SLC26A8: variants seen among roughly 807,000 people sequenced by gnomAD.
The protein encoded by SLC26A8 is testis anion transporter 1.
A neutral mutation model predicts 105.0 loss-of-function variants in SLC26A8; 70 were observed. The ratio of observed to expected loss-of-function variants is 0.67; its 90% CI spans 0.55 to 0.81. The LOEUF is 0.81. Among genes scored for constraint, SLC26A8 ranks in the 40% least tolerant of loss-of-function variants. The probability of loss-of-function intolerance (pLI) is 0.00; values close to 1 mark genes in which losing one functional copy is unlikely to be tolerated. For synonymous variants in SLC26A8, 415 were observed against 438.3 expected, an observed-to-expected ratio of 0.95 and a Z score of 0.66; for missense variants, 998 against 1,181.8, an observed-to-expected ratio of 0.84 and a Z score of 2.28.
chr6:35,985,556 G>A (rs1248519503), intron 7 of SLC26A8, among the ~76,000 whole-genome samples: 1 of 151,848 alleles, frequency 6.6e-6, no homozygotes, highest in Non-Finnish European at 1.5e-5. Context: ...AGCCAGGCAT[G>A]GTGGTGTGTA....
intron 7 of SLC26A8, chr6:35,990,293 G>T: frequency 3.5e-6 from 1 of 284,714 alleles, no homozygotes; most frequent in East Asian, 1.2e-4. Flanking sequence ...CCATTTTTGA[G>T]GCCATTTCTT....
chr6:35,965,805 AC>A (rs1379620816), intron 11 of SLC26A8, among the ~76,000 whole-genome samples: 1 of 151,866 alleles, frequency 6.6e-6, no homozygotes, highest in East Asian at 1.9e-4. Context: ...AGCCTGGCCC[AC>A]ATGGCGAAAC....
chr6:35,946,802 C>T (rs1421386349), intron 19 of SLC26A8, among the ~76,000 whole-genome samples: 1 of 152,026 alleles, frequency 6.6e-6, no homozygotes, highest in Non-Finnish European at 1.5e-5. Flanking sequence ...ATCCTCCTGC[C>T]TCAAGCTCCC....
chr6:36,019,723 A>G lies in SLC26A8; in HGVS notation c.-2-14T>C, dbSNP rs1366515042. The G allele has an allele frequency of 2.4e-5, 38 of 1,592,530 alleles. No homozygotes were observed. Among genetic ancestry groups the G allele is most frequent in the Non-Finnish European group, 3.1e-5 (36 of 1,168,668 alleles). On this transcript the variant is annotated splice_polypyrimidine_tract_variant and intron_variant, in intron 1 of 19. Coordinates refer to ENST00000490799, the MANE Select transcript of SLC26A8 (RefSeq NM_052961.4). ...GTTGTGCCATTCCTGGATGAGTGGA[A>G]AGAGAGCAAATAAAAGAGCATTTTC...
intron 19 of SLC26A8, 87 bp downstream of exon 19, chr6:35,951,076 G>T: frequency 7.7e-7 from 1 of 1,300,118 alleles, no homozygotes; most frequent in Non-Finnish European, 1.1e-6. Context: ...CAGGAATCCT[G>T]ACTCCCAGCC....
intron 3 of SLC26A8, among the ~76,000 whole-genome samples, chr6:36,010,920 TAAGTA>T (rs1238094647): frequency 8.5e-5 from 13 of 152,100 alleles, no homozygotes; most frequent in African/African-American, 2.4e-4. Context: ...TAGAAACAAA[TAAGTA>T]AATAAAGATT....
chr6:35,966,409 C>T (rs1772519427), intron 11 of SLC26A8, among the ~76,000 whole-genome samples: 1 of 151,944 alleles, frequency 6.6e-6, no homozygotes, highest in Admixed American at 6.6e-5. Flanking sequence ...GGAAACAAAT[C>T]TTTTCATAAA....
rs576632030 is a variant in SLC26A8 at position 35,955,689 on chromosome 6, C to G, written c.1864-169G>C. The stretch of plus-strand genomic sequence containing the variant: ...ACTTGGATATCTGTCACTTCAAGCT[C>G]ACAACTGAAGCCCCCACAGTCATCT... On this transcript the variant is annotated intron_variant, in intron 16 of 19. Coordinates refer to ENST00000490799, the MANE Select transcript of SLC26A8 (RefSeq NM_052961.4). Among the ~76,000 whole-genome samples, 18 of 152,260 alleles carry G rather than the reference C, an allele frequency of 1.2e-4. No homozygotes were observed. In the East Asian group the frequency reaches 3.5e-3, roughly 29 times the overall value.
At chr6:35,996,635 CTCCTGGGCTCAAGT>C (rs1193804947) in intron 5 of SLC26A8, among the ~76,000 whole-genome samples, 1 of 152,124 alleles carries the variant, frequency 6.6e-6, no homozygotes, top group African/African-American at 2.4e-5. Context: ...CAGCCTCAAC[CTCCTGGGCTCAAGT>C]GATCCTCCCA....
intron 5 of SLC26A8, among the ~76,000 whole-genome samples, chr6:35,994,701 G>A (rs112814047): frequency 0.079 from 12,008 of 151,274 alleles, 522 homozygotes; most frequent in Non-Finnish European, 0.096. Context: ...TCAGCCTCCC[G>A]AGTAGCTGGG....
At chr6:35,972,409 T>A (rs1445062899) in intron 10 of SLC26A8, among the ~76,000 whole-genome samples, 4 of 144,534 alleles carry the variant, frequency 2.8e-5, no homozygotes, top group African/African-American at 8.1e-5. Context: ...AAAAAAAAAA[T>A]CATAAGGCCT....
At chr6:35,957,047 A>G (rs961185306) in intron 16 of SLC26A8, among the ~76,000 whole-genome samples, 1 of 151,972 alleles carries the variant, frequency 6.6e-6, no homozygotes, top group Non-Finnish European at 1.5e-5. Flanking sequence ...ACATGGAGAA[A>G]CCACGTCTCT....
intron 3 of SLC26A8, among the ~76,000 whole-genome samples, chr6:36,008,054 A>G (rs1761742518): frequency 6.7e-6 from 1 of 149,300 alleles, no homozygotes. Flanking sequence ...CGGGAGGCGG[A>G]GCTTGCAGTG....
chr6:35,994,276 G>A (rs1381309416), intron 5 of SLC26A8, among the ~76,000 whole-genome samples: 6 of 151,482 alleles, frequency 4.0e-5, no homozygotes, highest in Non-Finnish European at 8.8e-5. Context: ...CACCAAGCCC[G>A]GCTAATTTTT....
At chr6:35,985,416 T>C (rs115530995) in intron 7 of SLC26A8, among the ~76,000 whole-genome samples, 2,194 of 152,060 alleles carry the variant, frequency 0.014, 49 homozygotes, top group African/African-American at 0.049. Flanking sequence ...AAGAGAGGGC[T>C]GGGCATGGTG....
At chr6:36,000,491 T>C (rs1370973763) in intron 3 of SLC26A8, among the ~76,000 whole-genome samples, 1 of 152,188 alleles carries the variant, frequency 6.6e-6, no homozygotes, top group Non-Finnish European at 1.5e-5. Flanking sequence ...GGGCTGAAGA[T>C]AAAACTGGAG....
At chr6:35,978,689 A>G (rs527735625) in intron 8 of SLC26A8, among the ~76,000 whole-genome samples, 180 of 152,242 alleles carry the variant, frequency 1.2e-3, no homozygotes, top group South Asian at 3.7e-3. Context: ...AAAGCAAATA[A>G]TACCTTATCT....
At position 35,955,468 on chromosome 6, in the gene SLC26A8, AT is replaced by A; in HGVS notation, c.1915del (p.Ile639LeufsTer3). ...AAAATGTGAGCAGTGAATCAGGTTA[AT>A]GGAGGATGCTTCGGGATCCAGTTTA... ...ENKLDPEASS[I>X]NLIHCSHFES... On this transcript the variant is annotated frameshift_variant, in exon 17 of 20. Coordinates refer to ENST00000490799, the MANE Select transcript of SLC26A8 (RefSeq NM_052961.4). LOFTEE classifies it high-confidence loss of function. 6.2e-7 allele frequency: 1 copy of A among 1,614,182 alleles called. No homozygotes were observed. The highest frequency in any genetic ancestry group is 8.5e-7 in the Non-Finnish European group (1 of 1,180,026).
chr6:35,944,462 G>C, intron 19 of SLC26A8, 122 bp from the exon 20 acceptor site: 1 of 608,824 alleles, frequency 1.6e-6, no homozygotes, highest in Non-Finnish European at 2.9e-6. Context: ...CTTTAGACCA[G>C]GAGTTCAAGG....
Sources: gnomAD v4.1 joint callset for allele counts (sites outside exome capture counted in the v4.1 genomes callset) on GRCh38, gnomAD v4.1.1 for gene constraint, MANE v1.5 for transcripts, NCBI Gene and HGNC (gene_info 2026-07-23, HGNC 2026-07-21) for gene names.